TMEM163: variants seen among roughly 807,000 people sequenced by gnomAD.
TMEM163 encodes the protein transmembrane protein 163.
Under a neutral mutation model 29.3 loss-of-function variants are expected in TMEM163, and 17 were observed. The observed-to-expected ratio is 0.58, with a 90% CI of 0.40 to 0.87. TMEM163 has a LOEUF of 0.87. TMEM163 is among the 40% of genes least tolerant of loss of function. The probability of loss-of-function intolerance (pLI) is 0.00; values close to 1 mark genes in which losing one functional copy is unlikely to be tolerated. For synonymous variants in TMEM163, 157 were observed against 160.6 expected, an observed-to-expected ratio of 0.98 and a Z score of 0.17; for missense variants, 303 against 381.5, an observed-to-expected ratio of 0.79 and a Z score of 1.71.
intron 1 of TMEM163, among the ~76,000 whole-genome samples, chr2:134,717,576 A>C (rs1450131799): frequency 6.6e-6 from 1 of 152,246 alleles, no homozygotes; most frequent in African/African-American, 2.4e-5. Context: ...TACAGGAGAT[A>C]CTAAGAATAG....
chr2:134,518,453 C>T (rs990616001), intron 4 of TMEM163, among the ~76,000 whole-genome samples: 3 of 152,188 alleles, frequency 2.0e-5, no homozygotes, highest in African/African-American at 7.2e-5. Flanking sequence ...CCATTATCAT[C>T]CTGCCTGTCC....
intron 2 of TMEM163, among the ~76,000 whole-genome samples, chr2:134,629,058 A>T (rs1400913037): frequency 1.3e-5 from 2 of 152,336 alleles, no homozygotes; most frequent in East Asian, 3.9e-4. Flanking sequence ...TCTTGGATTG[A>T]GCATTCATGA....
At chr2:134,675,405 C>G (rs1684095125) in intron 2 of TMEM163, among the ~76,000 whole-genome samples, 1 of 152,134 alleles carries the variant, frequency 6.6e-6, no homozygotes, top group Non-Finnish European at 1.5e-5. Context: ...TGAGGTTTTT[C>G]AAAACCTTTA....
In TMEM163 at chr2:134,586,255, G is replaced by A. The variant is rs116467557; in HGVS notation, c.323-34164C>T. 3.9e-3 allele frequency among the ~76,000 whole-genome samples: 592 copies of A among 152,290 alleles called. 7 individuals carry two copies. The highest frequency in any genetic ancestry group is 0.013 in the African/African-American group (558 of 41,558). On this transcript the variant is annotated intron_variant, in intron 2 of 7. Transcript: ENST00000281924. ...CAAAACAAAGTAACACAAACTAGGT[G>A]GCTTAACCAGGAGAACTTTATTGTC... is the stretch of plus-strand genomic sequence containing the variant.
intron 4 of TMEM163, among the ~76,000 whole-genome samples, chr2:134,542,265 C>T (rs1295400481): frequency 6.6e-6 from 1 of 152,246 alleles, no homozygotes; most frequent in Non-Finnish European, 1.5e-5. Flanking sequence ...CATTACGCCA[C>T]TTGGCAGCTG....
intron 4 of TMEM163, among the ~76,000 whole-genome samples, chr2:134,523,494 T>C (rs139944056): frequency 6.6e-5 from 10 of 152,336 alleles, no homozygotes; most frequent in African/African-American, 2.4e-4. Context: ...CTATTACTGA[T>C]GTCTTTCAAA....
At chr2:134,520,823 T>A (rs1350410954) in intron 4 of TMEM163, among the ~76,000 whole-genome samples, 2 of 152,222 alleles carry the variant, frequency 1.3e-5, no homozygotes, top group Non-Finnish European at 2.9e-5. Flanking sequence ...AGGGTAAGTC[T>A]CTTGATCCCC....
rs750043667 is a variant in TMEM163 at position 134,713,275 on chromosome 2, T to G, written c.247A>C (p.Asn83His). The G allele has an allele frequency of 6.2e-7, 1 of 1,614,110 alleles. No homozygotes were observed. Among genetic ancestry groups the G allele is most frequent in the Non-Finnish European group, 8.5e-7 (1 of 1,180,004 alleles). The part of the protein sequence containing the change: ...STRLKPHEAQ[N>H]YRKKALWVSW... ...ACCCACAATGCCTTCTTCCTGTAGT[T>G]CTGGGCTTCGTGAGGTTTCAGGCGG... The change falls in exon 2 of 8, where the codon AAC becomes CAC. Residue 83 changes from asparagine (N) to histidine (H), a missense_variant. Physicochemically the swap from Asn to His is moderately conservative, Grantham distance 68 (BLOSUM62 1). Transcript: ENST00000281924.
chr2:134,516,683 A>AGT (rs1261744285), intron 4 of TMEM163, among the ~76,000 whole-genome samples: 1 of 131,486 alleles, frequency 7.6e-6, no homozygotes, highest in Admixed American at 7.9e-5. Flanking sequence ...TCATACATAT[A>AGT]TGCATATATA....
chr2:134,461,519 G>A lies in TMEM163; in HGVS notation c.668-3346C>T, dbSNP rs116234812. On this transcript the variant is annotated intron_variant, in intron 6 of 7. Coordinates refer to ENST00000281924, the MANE Select transcript of TMEM163 (RefSeq NM_030923.5). The stretch of plus-strand genomic sequence containing the variant: ...CTCTGATTTGTAGTGTGTGTTTGTT[G>A]TACAAAATCACATTACCCTAGTACA... Among the ~76,000 whole-genome samples the A allele has an allele frequency of 7.1e-3, 1,079 of 152,214 alleles. 9 individuals carry two copies. Among genetic ancestry groups the A allele is most frequent in the African/African-American group, 0.024 (1,015 of 41,520 alleles).
chr2:134,468,604 A>G (rs958776473), intron 5 of TMEM163: 3 of 152,250 alleles, frequency 2.0e-5, no homozygotes, highest in African/African-American at 7.2e-5. Context: ...TTGGAGACTG[A>G]ATACTCACTT....
intron 5 of TMEM163, among the ~76,000 whole-genome samples, chr2:134,495,837 C>T (rs1348108899): frequency 6.6e-6 from 1 of 152,102 alleles, no homozygotes; most frequent in Non-Finnish European, 1.5e-5. Flanking sequence ...TGCTTTAATC[C>T]ATACAAAAAA....
intron 2 of TMEM163, among the ~76,000 whole-genome samples, chr2:134,705,526 G>C (rs1042875819): frequency 1.3e-5 from 2 of 151,806 alleles, no homozygotes; most frequent in Admixed American, 1.3e-4. Flanking sequence ...AGGCATGGCC[G>C]TCAGGCATGG....
At chr2:134,646,692 G>C (rs746928485) in intron 2 of TMEM163, among the ~76,000 whole-genome samples, 3 of 152,094 alleles carry the variant, frequency 2.0e-5, no homozygotes, top group Non-Finnish European at 4.4e-5. Flanking sequence ...TGATCCACCT[G>C]CCTCAGCCTC....
intron 2 of TMEM163, among the ~76,000 whole-genome samples, chr2:134,626,199 G>C (rs542570712): frequency 6.7e-6 from 1 of 150,028 alleles, no homozygotes; most frequent in African/African-American, 2.5e-5. Flanking sequence ...CCACCCCCTG[G>C]GTTCAAGCAA....
intron 2 of TMEM163, among the ~76,000 whole-genome samples, chr2:134,584,657 A>T (rs1558953727): frequency 6.7e-6 from 1 of 149,818 alleles, no homozygotes; most frequent in African/African-American, 2.4e-5. Context: ...AAAAAAAAGT[A>T]CAAAGGCATG....
chr2:134,484,341 C>A (rs1233564436), intron 5 of TMEM163, among the ~76,000 whole-genome samples: 1 of 151,614 alleles, frequency 6.6e-6, no homozygotes, highest in Non-Finnish European at 1.5e-5. Flanking sequence ...CTCTTTTAAA[C>A]AAAGGATTAT....
intron 4 of TMEM163, among the ~76,000 whole-genome samples, chr2:134,536,246 C>T (rs1680538011): frequency 1.3e-5 from 2 of 151,694 alleles, no homozygotes; most frequent in Non-Finnish European, 2.9e-5. Context: ...TTTTGCCTCT[C>T]AGATTGGGAA....
chr2:134,648,847 T>C (rs1683399593), intron 2 of TMEM163, among the ~76,000 whole-genome samples: 1 of 152,222 alleles, frequency 6.6e-6, no homozygotes. Flanking sequence ...CTTGCTAATA[T>C]GGGATGTAAA....
Sources: allele counts gnomAD v4.1 joint callset (sites outside exome capture counted in the v4.1 genomes callset), GRCh38; gene constraint gnomAD v4.1.1; transcripts MANE v1.5; gene names NCBI Gene and HGNC (gene_info 2026-07-23, HGNC 2026-07-21).